The following ARID1B variants were observed in gnomAD, a reference collection of about 807,000 sequenced individuals.
The protein encoded by ARID1B is AT-rich interaction domain 1B, also known as AT-rich interactive domain-containing protein 1B.
In ARID1B, 30 loss-of-function variants were observed where a neutral mutation model predicts 212.3. The observed-to-expected ratio is 0.14, with a 90% CI of 0.11 to 0.19. The LOEUF is 0.19. Among genes scored for constraint, ARID1B ranks in the 10% least tolerant of loss-of-function variants. The probability of loss-of-function intolerance (pLI) is 1.00; values close to 1 mark genes in which losing one functional copy is unlikely to be tolerated. For missense variants in ARID1B, 2,891 were observed against 3,204.0 expected (o/e 0.90, Z 2.36); for synonymous variants, 1,402 against 1,301.7 (o/e 1.08, Z -1.66).
intron 2 of ARID1B, among the ~76,000 whole-genome samples, chr6:156,849,274 CCCTT>C: frequency 6.6e-6 from 1 of 152,298 alleles, no homozygotes; most frequent in Non-Finnish European, 1.5e-5. Flanking sequence ...ATTTTTGTCT[CCCTT>C]CCTTCATGCC....
In ARID1B at chr6:157,004,897, C is replaced by CTTTTTTTTTTTTT. The variant is rs1177807875; in HGVS notation, c.2247+69343_2247+69355dup. Among the ~76,000 whole-genome samples the CTTTTTTTTTTTTT allele has an allele frequency of 5.9e-4, 32 of 54,656 alleles. 2 individuals carry two copies. Among genetic ancestry groups the CTTTTTTTTTTTTT allele is most frequent in the Non-Finnish European group, 9.2e-4 (25 of 27,276 alleles). 35.9% of individuals were successfully genotyped at this position (54,656 alleles called of 152,430 possible). A position where few individuals can be genotyped will look rare whatever the true frequency, so the allele number is the denominator to read the frequency against. ...TTTTTTCTTTTTCTTCTTCTTTTTT[C>CTTTTTTTTTTTTT]TTTTTTTTTTTTTTTTTTTTTTTTT... On this transcript the variant is annotated intron_variant, in intron 4 of 19. Coordinates refer to ENST00000636930, the MANE Select transcript of ARID1B (RefSeq NM_001374828.1).
chr6:157,090,475 AT>A (rs1249014248), intron 5 of ARID1B, among the ~76,000 whole-genome samples: 1 of 152,224 alleles, frequency 6.6e-6, no homozygotes, highest in Non-Finnish European at 1.5e-5. Context: ...AAGGCCACTG[AT>A]TATAATAGAT....
At chr6:156,977,260 C>T (rs2128364242) in intron 4 of ARID1B, among the ~76,000 whole-genome samples, 1 of 145,432 alleles carries the variant, frequency 6.9e-6, no homozygotes, top group East Asian at 2.0e-4. Context: ...CAGTTTTTTT[C>T]TTCAGATATT....
At chr6:157,035,770 G>A (rs970873595) in intron 4 of ARID1B, among the ~76,000 whole-genome samples, 1 of 152,176 alleles carries the variant, frequency 6.6e-6, no homozygotes, top group Non-Finnish European at 1.5e-5. Context: ...GCCAGGGGGT[G>A]GTCAGTGAGC....
intron 6 of ARID1B, among the ~76,000 whole-genome samples, chr6:157,124,007 G>A (rs193050872): frequency 1.1e-3 from 169 of 152,350 alleles, no homozygotes; most frequent in Admixed American, 0.01. Context: ...GGGTGGATGC[G>A]TCTGATAGAC....
rs539519555 is a variant in ARID1B at position 157,119,931 on chromosome 6, A to G, written c.2581+9370A>G. The stretch of plus-strand genomic sequence containing the variant: ...GGGTTTAGGTACAAGCTTTATCACT[A>G]ACTAGTTTTGTATCTTTGGACTATT... On this transcript the variant is annotated intron_variant, in intron 6 of 19. Transcript: ENST00000636930. Among the ~76,000 whole-genome samples, 100 of 152,314 alleles carry G rather than the reference A, an allele frequency of 6.6e-4. 1 individual carries two copies. Among genetic ancestry groups the G allele is most frequent in the African/African-American group, 2.2e-3 (93 of 41,562 alleles).
At chr6:156,892,404 C>T (rs1225281908) in intron 2 of ARID1B, among the ~76,000 whole-genome samples, 4 of 151,908 alleles carry the variant, frequency 2.6e-5, no homozygotes, top group African/African-American at 9.7e-5. Flanking sequence ...AATTATAAAA[C>T]AAAATTTACA....
chr6:156,964,337 C>T (rs1039345351), intron 4 of ARID1B, among the ~76,000 whole-genome samples: 1 of 152,226 alleles, frequency 6.6e-6, no homozygotes, highest in Non-Finnish European at 1.5e-5. Flanking sequence ...CTGTTGCAGA[C>T]ACTTTAGAGA....
intron 2 of ARID1B, among the ~76,000 whole-genome samples, chr6:156,873,203 A>G (rs1786286537): frequency 6.6e-6 from 1 of 152,218 alleles, no homozygotes; most frequent in East Asian, 1.9e-4. Context: ...GAAAAGGGGA[A>G]TGGGCACAAA....
At chr6:157,096,048 A>T (rs902944473) in intron 5 of ARID1B, among the ~76,000 whole-genome samples, 1 of 152,106 alleles carries the variant, frequency 6.6e-6, no homozygotes, top group Non-Finnish European at 1.5e-5. Context: ...GAATAATGTG[A>T]TTTATCCTTT....
intron 2 of ARID1B, among the ~76,000 whole-genome samples, chr6:156,875,532 A>G (rs2128155263): frequency 6.6e-6 from 1 of 152,318 alleles, no homozygotes; most frequent in Middle Eastern, 3.4e-3. Context: ...GATTATTTTT[A>G]TTTCACACTC....
At chr6:156,814,755 T>C (rs919932843) in intron 1 of ARID1B, among the ~76,000 whole-genome samples, 3 of 152,212 alleles carry the variant, frequency 2.0e-5, no homozygotes, top group Non-Finnish European at 2.9e-5. Context: ...TTGATGTTTA[T>C]GTGGGTGCAC....
intron 6 of ARID1B, among the ~76,000 whole-genome samples, chr6:157,115,346 A>G (rs955960272): frequency 6.6e-6 from 1 of 152,156 alleles, no homozygotes; most frequent in East Asian, 1.9e-4. Context: ...ACTCTCTTAC[A>G]TAGTATTGCC....
intron 4 of ARID1B, among the ~76,000 whole-genome samples, chr6:157,072,751 G>A (rs1486983625): frequency 6.6e-6 from 1 of 152,144 alleles, no homozygotes; most frequent in Non-Finnish European, 1.5e-5. Flanking sequence ...CATATATTAA[G>A]TGGATTCTTT....
chr6:156,798,507 T>C (rs1432564748), intron 1 of ARID1B, among the ~76,000 whole-genome samples: 1 of 152,276 alleles, frequency 6.6e-6, no homozygotes, highest in East Asian at 1.9e-4. Context: ...GAGTCAGCCC[T>C]GAGGCAGATG....
intron 8 of ARID1B, among the ~76,000 whole-genome samples, chr6:157,158,317 A>G (rs1583422833): frequency 2.0e-5 from 3 of 152,176 alleles, no homozygotes; most frequent in African/African-American, 7.2e-5. Flanking sequence ...ATCTCCAAGA[A>G]TTTTTAGGAG....
At chr6:156,836,875 G>C (rs979015427) in intron 2 of ARID1B, among the ~76,000 whole-genome samples, 1 of 151,876 alleles carries the variant, frequency 6.6e-6, no homozygotes, top group Non-Finnish European at 1.5e-5. Flanking sequence ...ATGTAGCCCA[G>C]GCTGGTTTTG....
At chr6:156,909,035 T>C (rs1789640720) in intron 3 of ARID1B, among the ~76,000 whole-genome samples, 1 of 152,162 alleles carries the variant, frequency 6.6e-6, no homozygotes, top group South Asian at 2.1e-4. Flanking sequence ...TCAAAGTATT[T>C]TAAGTCACAG....
chr6:156,994,634 C>T (rs759578605), intron 4 of ARID1B, among the ~76,000 whole-genome samples: 8 of 152,158 alleles, frequency 5.3e-5, no homozygotes, highest in East Asian at 1.9e-4. Context: ...GGTGAACGCA[C>T]GCCCATTATG....
Sources: gnomAD v4.1 joint callset for allele counts (sites outside exome capture counted in the v4.1 genomes callset) on GRCh38, gnomAD v4.1.1 for gene constraint, MANE v1.5 for transcripts, NCBI Gene and HGNC (gene_info 2026-07-23, HGNC 2026-07-21) for gene names.